CYLD: variants seen among roughly 807,000 people sequenced by gnomAD.
The protein encoded by CYLD is CYLD lysine 63 deubiquitinase.
In CYLD, 26 loss-of-function variants were observed where a neutral mutation model predicts 104.5. That is an observed-to-expected ratio of 0.25 (90% CI 0.18 to 0.35). CYLD has a LOEUF of 0.35. Among genes scored for constraint, CYLD ranks in the 10% least tolerant of loss-of-function variants. CYLD has a pLI of 1.00. For synonymous variants in CYLD, 385 were observed against 399.9 expected, an observed-to-expected ratio of 0.96 and a Z score of 0.45; for missense variants, 703 against 1,136.1, an observed-to-expected ratio of 0.62 and a Z score of 5.48.
chr16:50,784,495 T>C, intron 12 of CYLD, 44 bp downstream of exon 12: 1 of 1,599,220 alleles, frequency 6.3e-7, no homozygotes, highest in Non-Finnish European at 8.5e-7. Flanking sequence ...CATGGTGTTC[T>C]ATTTGCTGTT....
At chr16:50,795,508 T>C (rs1372819666) in intron 18 of CYLD, 8 of 702,502 alleles carry the variant, frequency 1.1e-5, no homozygotes, top group Non-Finnish European at 1.6e-5. Context: ...GAGGTGTGAC[T>C]CTCATGTTCC....
At chr16:50,772,920 C>A (rs1447257438) in intron 5 of CYLD, among the ~76,000 whole-genome samples, 1 of 152,222 alleles carries the variant, frequency 6.6e-6, no homozygotes, top group African/African-American at 2.4e-5. Flanking sequence ...CTATATGGCA[C>A]CTTCAAGCAT....
intron 5 of CYLD, among the ~76,000 whole-genome samples, chr16:50,755,527 A>T (rs1967124549): frequency 1.3e-5 from 2 of 152,078 alleles, no homozygotes; most frequent in Non-Finnish European, 2.9e-5. Context: ...CACCACATCC[A>T]TGCCAACATC....
chr16:50,795,710 T>C (rs1971972661), intron 18 of CYLD: 3 of 657,914 alleles, frequency 4.6e-6, no homozygotes, highest in South Asian at 3.3e-5. Context: ...CAGCCCCATC[T>C]GTAGATGTGC....
chr16:50,777,853 C>T lies in CYLD; in HGVS notation c.1050C>T (p.Asn350=), dbSNP rs1342809344. ...CTACCTCAGACCCTGGAAATAGAAA[C>T]AGATCTGAATTATTTTATACCTTAA... ...TGSTSDPGNR[N]RSELFYTLNG... Residue 350 remains asparagine (N), a synonymous_variant, in exon 8 of 19, where the codon AAC becomes AAT. Coordinates refer to ENST00000427738, the MANE Select transcript of CYLD (RefSeq NM_001378743.1). 1.2e-6 allele frequency: 2 copies of T among 1,605,238 alleles called. No individual in the cohort carries two copies. The highest frequency in any genetic ancestry group is 1.7e-6 in the Non-Finnish European group (2 of 1,172,590).
intron 5 of CYLD, among the ~76,000 whole-genome samples, chr16:50,772,648 T>C (rs1190868638): frequency 1.3e-5 from 2 of 152,258 alleles, no homozygotes; most frequent in African/African-American, 4.8e-5. Flanking sequence ...AAACAGTGCT[T>C]CAGTGAATAA....
intron 5 of CYLD, among the ~76,000 whole-genome samples, chr16:50,758,835 G>A (rs1227172463): frequency 1.3e-5 from 2 of 152,128 alleles, no homozygotes; most frequent in East Asian, 3.8e-4. Flanking sequence ...TTTTGATCAT[G>A]TTAAAATTGA....
In CYLD at chr16:50,742,775, A is replaced by C; in HGVS notation, c.-190A>C. ...TTTTTCTTTCAGTTTCCCCCTTTCT[A>C]GGGTGAGGATGGTTCTACACAGCCA... On this transcript the variant is annotated 5_prime_UTR_variant, in exon 2 of 19. Transcript: ENST00000427738. The C allele has an allele frequency of 2.5e-6, 1 of 397,892 alleles. No individual in the cohort carries two copies. Among genetic ancestry groups the C allele is most frequent in the Non-Finnish European group, 4.4e-6 (1 of 225,944 alleles). The allele number at this position is 397,892 out of a possible 1,614,324, so 24.6% of individuals were successfully genotyped here. A position where few individuals can be genotyped will look rare whatever the true frequency, so the allele number is the denominator to read the frequency against.
At chr16:50,757,118 TC>T (rs1380852196) in intron 5 of CYLD, among the ~76,000 whole-genome samples, 4 of 151,956 alleles carry the variant, frequency 2.6e-5, no homozygotes, top group Non-Finnish European at 4.4e-5. Context: ...TTTTTTCAGG[TC>T]ATTTCAGGTC....
At chr16:50,769,324 A>G (rs1450382756) in intron 5 of CYLD, among the ~76,000 whole-genome samples, 1 of 152,146 alleles carries the variant, frequency 6.6e-6, no homozygotes, top group Non-Finnish European at 1.5e-5. Context: ...TATATGAGAG[A>G]TACAGTTCTT....
intron 14 of CYLD, among the ~76,000 whole-genome samples, chr16:50,790,032 A>T (rs1182960727): frequency 6.6e-6 from 1 of 152,234 alleles, no homozygotes; most frequent in African/African-American, 2.4e-5. Context: ...ATAGACATGG[A>T]ATATGGATTC....
chr16:50,766,969 C>G (rs1398770632), intron 5 of CYLD, among the ~76,000 whole-genome samples: 3 of 152,194 alleles, frequency 2.0e-5, no homozygotes, highest in Admixed American at 2.0e-4. Flanking sequence ...AGTAAAGAAG[C>G]AGCAGGGCTT....
intron 5 of CYLD, among the ~76,000 whole-genome samples, chr16:50,767,844 G>A (rs1968689529): frequency 6.6e-6 from 1 of 151,966 alleles, no homozygotes; most frequent in African/African-American, 2.4e-5. Flanking sequence ...ATTATCTTGG[G>A]TTCTACAGTA....
chr16:50,781,329 G>C lies in CYLD; in HGVS notation c.1602G>C (p.Val534=). Residue 534 remains valine (V), a synonymous_variant, in exon 10 of 19, where the codon GTG becomes GTC. Transcript: ENST00000427738. ...FTCALKKALF[V]KLKSCRPDSR... ...GTGCCCTGAAGAAGGCGCTGTTTGT[G>C]AAACTGAAGAGCTGCAGGCCTGACT... The C allele has an allele frequency of 6.2e-7, 1 of 1,613,938 alleles. No individual in the cohort carries two copies. The highest frequency in any genetic ancestry group is 8.5e-7 in the Non-Finnish European group (1 of 1,179,876).
chr16:50,791,068 CT>C (rs2151028149), intron 14 of CYLD, among the ~76,000 whole-genome samples: 1 of 152,306 alleles, frequency 6.6e-6, no homozygotes, highest in Non-Finnish European at 1.5e-5. Flanking sequence ...CTGCTTTTGA[CT>C]TGCTGAGAAG....
At position 50,771,956 on chromosome 16, in the gene CYLD, G is replaced by A. The variant is rs184409108; in HGVS notation, c.914-3210G>A. On this transcript the variant is annotated intron_variant, in intron 5 of 18. Transcript: ENST00000427738. ...CCCATACCACAGTCTCGATCACTGCGGCTAACTAGTAAGTCTTGCAATCTA... is the reference window on the plus strand; with the variant it reads ...CCCATACCACAGTCTCGATCACTGCAGCTAACTAGTAAGTCTTGCAATCTA... 4.6e-5 allele frequency among the ~76,000 whole-genome samples: 7 copies of A among 152,168 alleles called. No homozygotes were observed. In the South Asian group the frequency reaches 6.2e-4, roughly 14 times the overall value.
At chr16:50,789,500 A>G (rs766504667) in intron 14 of CYLD, among the ~76,000 whole-genome samples, 3 of 152,178 alleles carry the variant, frequency 2.0e-5, no homozygotes, top group Non-Finnish European at 4.4e-5. Context: ...AATATATCTC[A>G]GAGTCTGAAT....
intron 16 of CYLD, 69 bp from the exon 17 acceptor site, chr16:50,793,477 A>G (rs1028882164): frequency 9.4e-7 from 1 of 1,067,848 alleles, no homozygotes; most frequent in African/African-American, 1.5e-5. Context: ...TTTTCTTTAC[A>G]TCTTCTTCAT....
At chr16:50,759,580 A>AT (rs1453530912) in intron 5 of CYLD, among the ~76,000 whole-genome samples, 1 of 152,184 alleles carries the variant, frequency 6.6e-6, no homozygotes, top group African/African-American at 2.4e-5. Context: ...CTTAAAATGT[A>AT]TTTTGAGATT....
Sources: allele counts gnomAD v4.1 joint callset (sites outside exome capture counted in the v4.1 genomes callset), GRCh38; gene constraint gnomAD v4.1.1; transcripts MANE v1.5; gene names NCBI Gene and HGNC (gene_info 2026-07-23, HGNC 2026-07-21).